The following VIPR2 variants were observed in gnomAD, a reference collection of about 807,000 sequenced individuals.
VIPR2 encodes vasoactive intestinal peptide receptor 2.
Under a neutral mutation model 58.0 loss-of-function variants are expected in VIPR2, and 48 were observed. That is an observed-to-expected ratio of 0.83 (90% CI 0.66 to 1.05). The LOEUF (loss-of-function observed/expected upper bound fraction) is 1.05. Ranked by LOEUF, VIPR2 falls within the 50% of genes least tolerant of loss-of-function variation. The probability of loss-of-function intolerance (pLI) is 0.00; values close to 1 mark genes in which losing one functional copy is unlikely to be tolerated. For missense variants in VIPR2, 534 were observed against 558.0 expected (o/e 0.96, Z 0.43); for synonymous variants, 243 against 235.2 (o/e 1.03, Z -0.30).
At chr7:159,102,938 C>T (rs1481110977) in intron 4 of VIPR2, among the ~76,000 whole-genome samples, 1 of 152,200 alleles carries the variant, frequency 6.6e-6, no homozygotes, top group Non-Finnish European at 1.5e-5. Flanking sequence ...ATGGTGCCCG[C>T]CACCCACACG....
chr7:159,042,936 C>G, intron 6 of VIPR2, 99 bp downstream of exon 6: 5 of 1,464,222 alleles, frequency 3.4e-6, no homozygotes, highest in Non-Finnish European at 4.6e-6. Context: ...TGTGCCCTGA[C>G]AGGAACCCTG....
chr7:159,112,760 A>G (rs10251653), intron 2 of VIPR2, among the ~76,000 whole-genome samples: 4,879 of 57,822 alleles, frequency 0.084, 4 homozygotes, highest in African/African-American at 0.19. Context: ...TGACTGTGAG[A>G]AGGAGGCTCA....
At position 159,042,192 on chromosome 7, in the gene VIPR2, C is replaced by T. The variant is rs146035238; in HGVS notation, c.597+843G>A. On this transcript the variant is annotated intron_variant, in intron 6 of 12. Transcript: ENST00000262178. ...CTGAGCAACTGTGCCAGCAGAGGGA[C>T]CTATCTGCGTGGAATGCGGGAGGAG... is the stretch of plus-strand genomic sequence containing the variant. 1.2e-3 allele frequency among the ~76,000 whole-genome samples: 186 copies of T among 152,254 alleles called. 1 individual carries two copies. Among genetic ancestry groups the T allele is most frequent in the African/African-American group, 4.2e-3 (174 of 41,526 alleles).
In VIPR2 at chr7:159,061,763, A is replaced by G. The variant is rs1337608762; in HGVS notation, c.358-3185T>C. Reference sequence around the variant, plus strand: ...CCACCAGGGTTGAGAAAGCGGGAGAAGCCGACAGACAGGAAAGACGGCTTT... The same window carrying G: ...CCACCAGGGTTGAGAAAGCGGGAGAGGCCGACAGACAGGAAAGACGGCTTT... On this transcript the variant is annotated intron_variant, in intron 4 of 12. Transcript: ENST00000262178. Among the ~76,000 whole-genome samples, 3 of 152,364 alleles carry G rather than the reference A, an allele frequency of 2.0e-5. No individual in the cohort carries two copies. In the East Asian group the frequency reaches 5.8e-4, roughly 29 times the overall value.
intron 4 of VIPR2, among the ~76,000 whole-genome samples, chr7:159,076,894 G>A (rs972335728): frequency 6.6e-6 from 1 of 152,170 alleles, no homozygotes; most frequent in African/African-American, 2.4e-5. Context: ...TACTAGTTAA[G>A]TTATCTCCAT....
rs1193314856 is a variant in VIPR2 at position 159,101,056 on chromosome 7, C to T, written c.357+2701G>A. On this transcript the variant is annotated intron_variant, in intron 4 of 12. Coordinates refer to ENST00000262178, the MANE Select transcript of VIPR2 (RefSeq NM_003382.5). ...CTGGTCTCACGAGATCCGACAAGGC[C>T]GTTCCCCCGACTGTTCCTGTGGTAG... Among the ~76,000 whole-genome samples the T allele has an allele frequency of 7.8e-5, 9 of 115,160 alleles. No individual in the cohort carries two copies. In the South Asian group the frequency reaches 1.4e-3, roughly 18 times the overall value. 75.5% of individuals were successfully genotyped at this position (115,160 alleles called of 152,430 possible).
intron 2 of VIPR2, among the ~76,000 whole-genome samples, chr7:159,131,250 C>A (rs73730179): frequency 0.043 from 6,509 of 152,144 alleles, 485 homozygotes; most frequent in African/African-American, 0.15. Flanking sequence ...ACCTTATCTC[C>A]TGTGTAAAGG....
chr7:159,078,160 T>G (rs146681970), intron 4 of VIPR2, among the ~76,000 whole-genome samples: 13 of 152,332 alleles, frequency 8.5e-5, no homozygotes, highest in Non-Finnish European at 1.2e-4. Flanking sequence ...GGAAAATTGT[T>G]CACATTGAAA....
Position 159,061,755 on chromosome 7 carries a change from G to A in VIPR2, c.358-3177C>T, listed in dbSNP as rs116281505. Among the ~76,000 whole-genome samples the A allele has an allele frequency of 5.2e-3, 786 of 152,364 alleles. 6 individuals are homozygous for A. Among genetic ancestry groups the A allele is most frequent in the African/African-American group, 0.018 (733 of 41,590 alleles). Reference sequence around the variant, plus strand: ...CTGGGCGCCCACCAGGGTTGAGAAAGCGGGAGAAGCCGACAGACAGGAAAG... The same window carrying A: ...CTGGGCGCCCACCAGGGTTGAGAAAACGGGAGAAGCCGACAGACAGGAAAG... On this transcript the variant is annotated intron_variant, in intron 4 of 12. Coordinates refer to ENST00000262178, the MANE Select transcript of VIPR2 (RefSeq NM_003382.5).
chr7:159,112,252 G>T (rs1796042730), intron 2 of VIPR2, among the ~76,000 whole-genome samples: 10 of 152,146 alleles, frequency 6.6e-5, no homozygotes. Flanking sequence ...TTCCTTTATT[G>T]GACCGCACGT....
At position 159,042,938 on chromosome 7, in the gene VIPR2, G is replaced by A. The variant is rs563740216; in HGVS notation, c.597+97C>T. On this transcript the variant is annotated intron_variant, in intron 6 of 12. Coordinates refer to ENST00000262178, the MANE Select transcript of VIPR2 (RefSeq NM_003382.5). ...TCAGCCATGACCCTGTGCCCTGACA[G>A]GAACCCTGCACCAGCACAGAGACGT... The A allele has an allele frequency of 9.5e-5, 140 of 1,467,266 alleles. 1 individual carries two copies. The South Asian group carries it at 1.8e-3, about 19-fold the overall frequency. 90.9% of individuals were successfully genotyped at this position (1,467,266 alleles called of 1,614,324 possible). A position where few individuals can be genotyped will look rare whatever the true frequency, so the allele number is the denominator to read the frequency against.
intron 4 of VIPR2, among the ~76,000 whole-genome samples, chr7:159,101,803 G>A (rs1301386388): frequency 2.4e-4 from 32 of 135,802 alleles, no homozygotes; most frequent in Middle Eastern, 4.5e-3. Flanking sequence ...GAGATCCGAC[G>A]AGGCCGTTCC....
At chr7:159,053,228 C>T (rs899078045) in intron 5 of VIPR2, among the ~76,000 whole-genome samples, 4 of 152,002 alleles carry the variant, frequency 2.6e-5, no homozygotes, top group African/African-American at 7.2e-5. Context: ...GGATTATAGG[C>T]ATGAGCTACT....
chr7:159,080,000 A>G (rs1856824300), intron 4 of VIPR2, among the ~76,000 whole-genome samples: 1 of 152,242 alleles, frequency 6.6e-6, no homozygotes, highest in Admixed American at 6.5e-5. Context: ...AAAAAAGTCC[A>G]GGACCAGATG....
intron 2 of VIPR2, among the ~76,000 whole-genome samples, chr7:159,140,658 G>A (rs1026164571): frequency 6.6e-6 from 1 of 152,258 alleles, no homozygotes; most frequent in Non-Finnish European, 1.5e-5. Flanking sequence ...CGAGTGACAA[G>A]TTTCCCAACC....
chr7:159,073,901 A>T (rs868540011), intron 4 of VIPR2, among the ~76,000 whole-genome samples: 2 of 152,166 alleles, frequency 1.3e-5, no homozygotes, highest in Admixed American at 6.5e-5. Context: ...GAAAATGCAC[A>T]CAGGCATGAG....
In VIPR2 at chr7:159,043,046, G is replaced by C. The variant is rs1470107448; in HGVS notation, c.586C>G (p.Pro196Ala). 8.7e-6 allele frequency: 14 copies of C among 1,613,968 alleles called. No individual in the cohort carries two copies. Among genetic ancestry groups the C allele is most frequent in the Non-Finnish European group, 1.2e-5 (14 of 1,179,920 alleles). Residue 196 changes from proline to alanine, a missense_variant, in exon 6 of 13, where the codon CCA becomes GCA. By Grantham distance (27) the Pro-to-Ala change is conservative. Transcript: ENST00000262178. ...SSGTLHCPDQPSSWVGCKLSL... is the reference protein window; with the variant it reads ...SSGTLHCPDQASSWVGCKLSL... ...GGGGACAGCCTTACCCAGGAGGATGGCTGGTCAGGGCAGTGCAACGTGCCA... is the reference window on the plus strand; with the variant it reads ...GGGGACAGCCTTACCCAGGAGGATGCCTGGTCAGGGCAGTGCAACGTGCCA...
At chr7:159,077,294 G>A (rs533366007) in intron 4 of VIPR2, among the ~76,000 whole-genome samples, 20 of 147,444 alleles carry the variant, frequency 1.4e-4, no homozygotes, top group African/African-American at 4.7e-4. Flanking sequence ...ACTACAGTGT[G>A]CCTGTTATCA....
intron 1 of VIPR2, chr7:159,144,483 G>A (rs2129498823): frequency 6.5e-7 from 1 of 1,540,052 alleles, no homozygotes; most frequent in Non-Finnish European, 8.8e-7. Context: ...GGTGGGGCGC[G>A]GGGAAGGGCG....
Sources: allele counts gnomAD v4.1 joint callset (sites outside exome capture counted in the v4.1 genomes callset), GRCh38; gene constraint gnomAD v4.1.1; transcripts MANE v1.5; gene names NCBI Gene and HGNC (gene_info 2026-07-23, HGNC 2026-07-21).